The following LIFR variants were observed in gnomAD, a reference collection of about 807,000 sequenced individuals.
LIFR encodes LIF receptor subunit alpha.
In LIFR, 84 loss-of-function variants were observed where a neutral mutation model predicts 122.2. The ratio of observed to expected loss-of-function variants is 0.69; its 90% CI spans 0.58 to 0.82. The LOEUF is 0.82. Among genes scored for constraint, LIFR ranks in the 40% least tolerant of loss-of-function variants. LIFR has a pLI of 0.00. For synonymous variants in LIFR, 422 were observed against 434.7 expected (o/e 0.97, Z 0.36); for missense variants, 1,294 against 1,311.6 (o/e 0.99, Z 0.21).
intron 1 of LIFR, among the ~76,000 whole-genome samples, chr5:38,553,648 A>ATAT (rs1554027613): frequency 7.8e-5 from 8 of 102,202 alleles, no homozygotes; most frequent in Admixed American, 2.9e-4. Flanking sequence ...ATATATATAT[A>ATAT]TATATATATA....
At chr5:38,489,389 T>A (rs1200601367) in intron 15 of LIFR, 144 bp from the exon 16 acceptor site, 1 of 735,766 alleles carries the variant, frequency 1.4e-6, no homozygotes, top group African/African-American at 1.8e-5. Context: ...AGAGAGATGA[T>A]CACAAACGCT....
chr5:38,587,458 C>T lies in LIFR; in HGVS notation c.-20+7803G>A, dbSNP rs568439636. On this transcript the variant is annotated intron_variant, in intron 1 of 19. Transcript: ENST00000263409. ...AGACGGCCCAGGAGCAAGAAAGAGT[C>T]AGGTAGCACTTCCGAAGGACTGAAA... Among the ~76,000 whole-genome samples, 310 of 149,390 alleles carry T rather than the reference C, an allele frequency of 2.1e-3. 3 individuals are homozygous for T. Among genetic ancestry groups the T allele is most frequent in the African/African-American group, 7.3e-3 (298 of 40,646 alleles).
At chr5:38,500,826 T>C (rs1745135997) in intron 11 of LIFR, among the ~76,000 whole-genome samples, 1 of 152,220 alleles carries the variant, frequency 6.6e-6, no homozygotes, top group South Asian at 2.1e-4. Flanking sequence ...AGGGTTGGCC[T>C]GTGTGACCAA....
intron 1 of LIFR, among the ~76,000 whole-genome samples, chr5:38,564,383 G>T (rs1412722659): frequency 6.7e-6 from 1 of 149,952 alleles, no homozygotes; most frequent in Non-Finnish European, 1.5e-5. Flanking sequence ...ACCATGCCTG[G>T]CTAATTTTAT....
intron 2 of LIFR, 55 bp downstream of exon 2, chr5:38,530,451 C>T (rs138281971): frequency 2.6e-6 from 4 of 1,521,066 alleles, no homozygotes; most frequent in Admixed American, 3.3e-5. Context: ...GCTTCGTCAT[C>T]AAAATGGAAA....
At chr5:38,555,500 C>T (rs530223475) in intron 1 of LIFR, among the ~76,000 whole-genome samples, 2 of 152,096 alleles carry the variant, frequency 1.3e-5, no homozygotes, top group African/African-American at 4.8e-5. Context: ...GAACAGGAAT[C>T]GGAAGACAAA....
intron 1 of LIFR, among the ~76,000 whole-genome samples, chr5:38,536,759 G>A (rs936175965): frequency 6.6e-6 from 1 of 152,138 alleles, no homozygotes; most frequent in Non-Finnish European, 1.5e-5. Context: ...GACAGTCTGG[G>A]GACCTGAGTT....
Position 38,594,722 on chromosome 5 carries a change from C to A in LIFR, c.-20+539G>T, listed in dbSNP as rs142552156. 5.3e-3 allele frequency among the ~76,000 whole-genome samples: 811 copies of A among 152,272 alleles called. 8 individuals are homozygous for A. Among genetic ancestry groups the A allele is most frequent in the African/African-American group, 0.018 (760 of 41,542 alleles). ...CTAAAAGTCTTCATGTTCACATACA[C>A]AATGACATGACAATAAAACACACTA... is the stretch of plus-strand genomic sequence containing the variant. On this transcript the variant is annotated intron_variant, in intron 1 of 19. Transcript: ENST00000263409.
Position 38,500,935 on chromosome 5 carries a change from G to A in LIFR, c.1601-1352C>T, listed in dbSNP as rs367770658. 4.9e-4 allele frequency among the ~76,000 whole-genome samples: 74 copies of A among 152,244 alleles called. 1 individual carries two copies. Among genetic ancestry groups the A allele is most frequent in the African/African-American group, 1.7e-3 (72 of 41,546 alleles). Reference sequence around the variant, plus strand: ...TGGGAGGAACTGGCTGCCATGTCATGAGCACACTTAAGCAGGCCTAGAGAG... The same window carrying A: ...TGGGAGGAACTGGCTGCCATGTCATAAGCACACTTAAGCAGGCCTAGAGAG... On this transcript the variant is annotated intron_variant, in intron 11 of 19. Transcript: ENST00000453190.
chr5:38,594,817 G>A (rs564346324), intron 1 of LIFR: 7 of 187,822 alleles, frequency 3.7e-5, no homozygotes, highest in South Asian at 1.9e-4. Flanking sequence ...GAAAAAAAGC[G>A]AAACAATGTA....
chr5:38,524,431 A>G (rs1391547336), intron 4 of LIFR, among the ~76,000 whole-genome samples: 3 of 152,232 alleles, frequency 2.0e-5, no homozygotes, highest in East Asian at 3.8e-4. Flanking sequence ...TTAGGAGACC[A>G]CTGGAGCAAT....
chr5:38,564,130 G>C (rs1748928115), intron 1 of LIFR, among the ~76,000 whole-genome samples: 1 of 152,086 alleles, frequency 6.6e-6, no homozygotes, highest in South Asian at 2.1e-4. Context: ...AGTTGAGATA[G>C]AGACTTGCTC....
At chr5:38,590,718 T>C (rs1194548267) in intron 1 of LIFR, among the ~76,000 whole-genome samples, 3 of 152,180 alleles carry the variant, frequency 2.0e-5, no homozygotes, top group Non-Finnish European at 2.9e-5. Context: ...CCCACTAAAT[T>C]TGTACAACTA....
At chr5:38,493,817 A>G (rs760800005) in intron 13 of LIFR, 32 bp from the exon 14 acceptor site, 3 of 1,554,600 alleles carry the variant, frequency 1.9e-6, no homozygotes, top group Non-Finnish European at 2.7e-6. Context: ...TTTTACTGGC[A>G]TTAAAAACAA....
At chr5:38,593,099 A>G (rs919263033) in intron 1 of LIFR, among the ~76,000 whole-genome samples, 2 of 152,132 alleles carry the variant, frequency 1.3e-5, no homozygotes, top group Non-Finnish European at 2.9e-5. Context: ...GCTACTCAGG[A>G]GGCTGAGGCG....
intron 1 of LIFR, among the ~76,000 whole-genome samples, chr5:38,588,029 G>A (rs1238365007): frequency 6.6e-6 from 1 of 152,216 alleles, no homozygotes; most frequent in East Asian, 1.9e-4. Flanking sequence ...ATATCACAAG[G>A]CCTGTTTTAT....
At chr5:38,573,638 C>T (rs910443232) in intron 1 of LIFR, among the ~76,000 whole-genome samples, 3 of 152,084 alleles carry the variant, frequency 2.0e-5, no homozygotes, top group Admixed American at 2.0e-4. Context: ...TTATTGACAC[C>T]CAAATAATTT....
chr5:38,560,583 T>C (rs1561210974), upstream of LIFR, among the ~76,000 whole-genome samples: 2 of 151,752 alleles, frequency 1.3e-5, no homozygotes, highest in Non-Finnish European at 2.9e-5. Context: ...TTGTTTTGTT[T>C]TGTTTTGTTT....
In LIFR at chr5:38,510,379, AC is replaced by A. The variant is rs34968906; in HGVS notation, c.991+84del. ...AGAAAGAAACAGAATCACTCCTCCCACCCCCCCACTCCAGAAGAATTAAGGC... is the reference window on the plus strand; with the variant it reads ...AGAAAGAAACAGAATCACTCCTCCCACCCCCCACTCCAGAAGAATTAAGGC... On this transcript the variant is annotated intron_variant, in intron 7 of 19. Transcript: ENST00000453190. 477,683 of 1,058,718 alleles carry A rather than the reference AC, an allele frequency of 0.45. 103,873 individuals carry two copies. The highest frequency in any genetic ancestry group is 0.69 in the East Asian group (28,487 of 41,152). 65.6% of individuals were successfully genotyped at this position (1,058,718 alleles called of 1,614,324 possible). A position where few individuals can be genotyped will look rare whatever the true frequency, so the allele number is the denominator to read the frequency against.
Sources: allele counts gnomAD v4.1 joint callset (sites outside exome capture counted in the v4.1 genomes callset), GRCh38; gene constraint gnomAD v4.1.1; transcripts MANE v1.5; gene names NCBI Gene and HGNC (gene_info 2026-07-23, HGNC 2026-07-21).